PREX1: variants seen among roughly 807,000 people sequenced by gnomAD.
PREX1 encodes the protein phosphatidylinositol-3,4,5-trisphosphate dependent Rac exchange factor 1, also known as phosphatidylinositol 3,4,5-trisphosphate-dependent Rac exchanger 1 protein.
Under a neutral mutation model 198.3 loss-of-function variants are expected in PREX1, and 41 were observed. The observed-to-expected ratio is 0.21, with a 90% CI of 0.16 to 0.27. The LOEUF is 0.27. Among genes scored for constraint, PREX1 ranks in the 10% least tolerant of loss-of-function variants. The pLI is 1.00. For synonymous variants in PREX1, 843 were observed against 887.2 expected, an observed-to-expected ratio of 0.95 and a Z score of 0.89; for missense variants, 1,620 against 2,200.7, an observed-to-expected ratio of 0.74 and a Z score of 5.28.
chr20:48,651,029 G>A lies in PREX1; in HGVS notation c.2682C>T (p.Asp894=). The A allele has an allele frequency of 6.2e-7, 1 of 1,614,168 alleles. No individual in the cohort carries two copies. The highest frequency in any genetic ancestry group is 1.7e-5 in the Admixed American group (1 of 60,032). Residue 894 remains aspartate, a synonymous_variant, in exon 23 of 40, where the codon GAC becomes GAT. Transcript: ENST00000371941. Reference sequence around the variant, plus strand: ...GCCTGCAGTTCTCCACGAAGACGCTGTCATTGGCAGCAAAGGCCTCGAGGA... The same window carrying A: ...GCCTGCAGTTCTCCACGAAGACGCTATCATTGGCAGCAAAGGCCTCGAGGA... ...AKILEAFAAN[D]SVFVENCRRL... is the part of the protein sequence containing the mutation.
In PREX1 at chr20:48,626,541, G is replaced by A. The variant is rs147300624; in HGVS notation, c.4938-614C>T. ...GCCGGACTTGGCTCACAGGGCAGCT[G>A]TTTGGATTAATGAGTCCACAGAGGG... On this transcript the variant is annotated intron_variant, in intron 39 of 39. Coordinates refer to ENST00000371941, the MANE Select transcript of PREX1 (RefSeq NM_020820.4). Among the ~76,000 whole-genome samples the A allele has an allele frequency of 1.8e-4, 28 of 152,372 alleles. No individual in the cohort carries two copies. In the East Asian group the frequency reaches 4.8e-3, roughly 26 times the overall value.
At position 48,808,561 on chromosome 20, in the gene PREX1, A is replaced by C. The variant is rs551610901; in HGVS notation, c.219+19081T>G. Among the ~76,000 whole-genome samples the C allele has an allele frequency of 2.0e-5, 3 of 152,284 alleles. No individual in the cohort carries two copies. In the South Asian group the frequency reaches 6.2e-4, roughly 32 times the overall value. Reference sequence around the variant, plus strand: ...CCACCTCCTATCATCTACCCGCACAAGTAGCCAGAGGGATCCTGCGAAAAC... The same window carrying C: ...CCACCTCCTATCATCTACCCGCACACGTAGCCAGAGGGATCCTGCGAAAAC... On this transcript the variant is annotated intron_variant, in intron 1 of 39. Transcript: ENST00000371941.
the PREX1 span, among the ~76,000 whole-genome samples, chr20:48,876,642 A>G: frequency 6.6e-6 from 1 of 152,134 alleles, no homozygotes; most frequent in East Asian, 1.9e-4. Context: ...CTTAGGCACT[A>G]TTTAGGGAGC....
At chr20:48,773,398 C>G (rs1033489800) in intron 1 of PREX1, among the ~76,000 whole-genome samples, 28 of 152,160 alleles carry the variant, frequency 1.8e-4, no homozygotes, top group African/African-American at 6.5e-4. Context: ...GTGCCCCACA[C>G]TAGCCCCTTT....
At chr20:48,719,817 G>A (rs780926401) in intron 5 of PREX1, among the ~76,000 whole-genome samples, 2 of 151,864 alleles carry the variant, frequency 1.3e-5, no homozygotes, top group Admixed American at 6.6e-5. Context: ...ACCACCCCAC[G>A]GTCCATCCTC....
upstream of PREX1, among the ~76,000 whole-genome samples, chr20:48,829,856 T>C (rs536028829): frequency 6.6e-6 from 1 of 152,342 alleles, no homozygotes; most frequent in South Asian, 2.1e-4. Flanking sequence ...AGACACGTTA[T>C]TTCTCTGGGC....
chr20:48,727,274 A>G (rs1403335471), intron 4 of PREX1, among the ~76,000 whole-genome samples: 1 of 152,094 alleles, frequency 6.6e-6, no homozygotes, highest in Non-Finnish European at 1.5e-5. Flanking sequence ...TGGCTTGCAG[A>G]GTTAAAAAGT....
At position 48,747,854 on chromosome 20, in the gene PREX1, G is replaced by A. The variant is rs763048250; in HGVS notation, c.246C>T (p.Asn82=). ...GGCCCTTCTCCACTGAGTCGGCCAC[G>A]TTCTGCCGGATGCGATGCAGGAATG... is the stretch of plus-strand genomic sequence containing the variant. The part of the protein sequence containing the change: ...QSAFLHRIRQ[N]VADSVEKGLT... Residue 82 remains asparagine (N), a synonymous_variant, in exon 2 of 40, where the codon AAC becomes AAT. Transcript: ENST00000371941. 2.6e-5 allele frequency: 42 copies of A among 1,613,412 alleles called. No individual in the cohort carries two copies. Among genetic ancestry groups the A allele is most frequent in the African/African-American group, 1.5e-4 (11 of 74,922 alleles).
At position 48,724,658 on chromosome 20, in the gene PREX1, T is replaced by C. The variant is rs774481949; in HGVS notation, c.621+1632A>G. On this transcript the variant is annotated intron_variant, in intron 5 of 39. Transcript: ENST00000371941. ...AAGAGTAAACATCATTCTTAGCTCATAGGCTGTATAAAAACAGGCCATGGG... is the reference window on the plus strand; with the variant it reads ...AAGAGTAAACATCATTCTTAGCTCACAGGCTGTATAAAAACAGGCCATGGG... Among the ~76,000 whole-genome samples the C allele has an allele frequency of 6.6e-5, 10 of 152,256 alleles. 1 individual carries two copies.
chr20:48,625,797 C>T lies in PREX1; in HGVS notation c.*88G>A, dbSNP rs530920533. ...AACGGGCGGCTGCGGAAGCCTTGGG[C>T]CATCCCTGGAGAAGGCCAGCGCTGC... On this transcript the variant is annotated 3_prime_UTR_variant, in exon 40 of 40. Coordinates refer to ENST00000371941, the MANE Select transcript of PREX1 (RefSeq NM_020820.4). 3 of 1,399,902 alleles carry T rather than the reference C, an allele frequency of 2.1e-6. No homozygotes were observed. The South Asian group carries it at 4.1e-5, about 19-fold the overall frequency. The allele number at this position is 1,399,902 out of a possible 1,614,324, so 86.7% of individuals were successfully genotyped here. A position where few individuals can be genotyped will look rare whatever the true frequency, so the allele number is the denominator to read the frequency against.
intron 1 of PREX1, among the ~76,000 whole-genome samples, chr20:48,754,545 G>C (rs1455074331): frequency 6.6e-6 from 1 of 152,032 alleles, no homozygotes; most frequent in Non-Finnish European, 1.5e-5. Flanking sequence ...AGGCCTTGAA[G>C]TCACTCCCTG....
chr20:48,783,056 T>C (rs1489468090), intron 1 of PREX1, among the ~76,000 whole-genome samples: 1 of 152,188 alleles, frequency 6.6e-6, no homozygotes, highest in Non-Finnish European at 1.5e-5. Context: ...GCGCTGCCAC[T>C]CACCAGCTGC....
chr20:48,704,042 G>A (rs1244615258), intron 6 of PREX1, among the ~76,000 whole-genome samples: 8 of 152,170 alleles, frequency 5.3e-5, no homozygotes, highest in Admixed American at 5.2e-4. Flanking sequence ...GCCAATACAT[G>A]CGTAGGGGCG....
upstream of PREX1, among the ~76,000 whole-genome samples, chr20:48,831,265 T>C (rs1460562824): frequency 6.6e-6 from 1 of 152,212 alleles, no homozygotes; most frequent in Non-Finnish European, 1.5e-5. Flanking sequence ...CTAGAAGCCA[T>C]GGTCACCCTT....
chr20:48,834,963 G>A, the PREX1 span, among the ~76,000 whole-genome samples: 83 of 151,898 alleles, frequency 5.5e-4, 1 homozygote, highest in African/African-American at 2.0e-3. Flanking sequence ...CACCATGTTG[G>A]CCAGGCTGGT....
chr20:48,745,230 G>T, intron 2 of PREX1, 83 bp from the exon 3 acceptor site: 1 of 1,445,914 alleles, frequency 6.9e-7, no homozygotes, highest in Non-Finnish European at 9.3e-7. Context: ...ACAAACCTCG[G>T]TGCGGGTGAC....
At chr20:48,773,112 C>T (rs552202984) in intron 1 of PREX1, among the ~76,000 whole-genome samples, 36 of 151,852 alleles carry the variant, frequency 2.4e-4, no homozygotes, top group Middle Eastern at 3.2e-3. Context: ...ACTAAAAATA[C>T]AAAAATTATC....
the PREX1 span, among the ~76,000 whole-genome samples, chr20:48,863,117 T>C: frequency 6.6e-6 from 1 of 152,196 alleles, no homozygotes; most frequent in Non-Finnish European, 1.5e-5. Flanking sequence ...CGTAAGCCAC[T>C]GTGCTTAGCC....
At chr20:48,687,979 T>A (rs1568824678) in intron 10 of PREX1, among the ~76,000 whole-genome samples, 1 of 152,098 alleles carries the variant, frequency 6.6e-6, no homozygotes, top group African/African-American at 2.4e-5. Context: ...CCAGATACTC[T>A]CCCTGCCAAC....
Sources: gnomAD v4.1 joint callset for allele counts (sites outside exome capture counted in the v4.1 genomes callset) on GRCh38, gnomAD v4.1.1 for gene constraint, MANE v1.5 for transcripts, NCBI Gene and HGNC (gene_info 2026-07-23, HGNC 2026-07-21) for gene names.